The following RIMS1 variants were observed in gnomAD, a reference collection of about 807,000 sequenced individuals.
RIMS1 encodes the protein regulating synaptic membrane exocytosis 1.
In RIMS1, 83 loss-of-function variants were observed where a neutral mutation model predicts 214.1. The ratio of observed to expected loss-of-function variants is 0.39; its 90% confidence interval spans 0.32 to 0.47. RIMS1 has a LOEUF of 0.47. Among genes scored for constraint, RIMS1 ranks in the 20% least tolerant of loss-of-function variants. The probability of loss-of-function intolerance (pLI) is 0.99; values close to 1 mark genes in which losing one functional copy is unlikely to be tolerated. For synonymous variants in RIMS1, 793 were observed against 786.8 expected, an observed-to-expected ratio of 1.01 and a Z score of -0.13; for missense variants, 2,050 against 2,161.8, an observed-to-expected ratio of 0.95 and a Z score of 1.03.
At chr6:72,164,513 C>T (rs2045983806) in intron 4 of RIMS1, among the ~76,000 whole-genome samples, 1 of 152,168 alleles carries the variant, frequency 6.6e-6, no homozygotes, top group Non-Finnish European at 1.5e-5. Flanking sequence ...GGAGCTGTTC[C>T]TATTTAGCCA....
intron 28 of RIMS1, chr6:72,317,044 G>A: frequency 2.2e-6 from 1 of 458,986 alleles, no homozygotes; most frequent in South Asian, 2.0e-5. Flanking sequence ...AGGGCAGAGA[G>A]GCCACAGAGG....
chr6:72,197,949 T>A (rs2051272333), intron 6 of RIMS1, among the ~76,000 whole-genome samples: 1 of 151,994 alleles, frequency 6.6e-6, no homozygotes, highest in Non-Finnish European at 1.5e-5. Context: ...AACCAGGTCA[T>A]ATACAAAAAA....
chr6:72,019,974 A>AGAACTGATG (rs1298182501), intron 2 of RIMS1, among the ~76,000 whole-genome samples: 1 of 152,166 alleles, frequency 6.6e-6, no homozygotes, highest in Non-Finnish European at 1.5e-5. Context: ...TATAACTCTG[A>AGAACTGATG]GAACTGATGT....
chr6:72,284,642 A>G (rs1312886579), intron 24 of RIMS1, among the ~76,000 whole-genome samples: 4 of 151,746 alleles, frequency 2.6e-5, no homozygotes, highest in South Asian at 4.2e-4. Context: ...AATTTGTCCA[A>G]TTCCACAAAG....
At chr6:71,965,954 G>T (rs998843492) in intron 1 of RIMS1, among the ~76,000 whole-genome samples, 2 of 152,080 alleles carry the variant, frequency 1.3e-5, no homozygotes, top group African/African-American at 4.8e-5. Context: ...AGTATTAGGG[G>T]TTTATATTAT....
At chr6:72,177,928 C>T (rs1285572843) in intron 4 of RIMS1, among the ~76,000 whole-genome samples, 2 of 152,158 alleles carry the variant, frequency 1.3e-5, no homozygotes, top group Non-Finnish European at 2.9e-5. Flanking sequence ...AAAATATACC[C>T]TTATTTGGCT....
chr6:72,332,146 A>T (rs944907398), intron 28 of RIMS1, among the ~76,000 whole-genome samples: 12 of 151,840 alleles, frequency 7.9e-5, no homozygotes, highest in African/African-American at 2.9e-4. Context: ...TCTGACTCAC[A>T]TATTAAATGT....
intron 31 of RIMS1, 36 bp from the exon 32 acceptor site, chr6:72,398,213 G>A: frequency 7.4e-7 from 1 of 1,353,366 alleles, no homozygotes; most frequent in South Asian, 1.2e-5. Flanking sequence ...TAACTGCAAA[G>A]AAGCTGAAAC....
chr6:72,129,130 C>A (rs2040056226), intron 4 of RIMS1, among the ~76,000 whole-genome samples: 4 of 152,202 alleles, frequency 2.6e-5, no homozygotes, highest in Admixed American at 6.5e-5. Flanking sequence ...AAGCCTGTGT[C>A]TTTTTATCTG....
chr6:72,347,199 C>G (rs978457848), intron 29 of RIMS1, among the ~76,000 whole-genome samples: 6 of 151,900 alleles, frequency 3.9e-5, no homozygotes, highest in African/African-American at 1.4e-4. Flanking sequence ...AAATTGATAC[C>G]TGGCTTAGCT....
intron 2 of RIMS1, among the ~76,000 whole-genome samples, chr6:72,042,469 A>T (rs1214146641): frequency 6.6e-6 from 1 of 151,958 alleles, no homozygotes; most frequent in Admixed American, 6.6e-5. Flanking sequence ...CTTAAATTAT[A>T]TATAACATTT....
At chr6:72,005,136 C>A (rs988240117) in intron 2 of RIMS1, among the ~76,000 whole-genome samples, 7 of 152,188 alleles carry the variant, frequency 4.6e-5, no homozygotes, top group African/African-American at 1.4e-4. Flanking sequence ...GAATCCTTTC[C>A]CCATTGCTTG....
intron 26 of RIMS1, among the ~76,000 whole-genome samples, chr6:72,303,237 G>A (rs1221171322): frequency 6.6e-6 from 1 of 150,648 alleles, no homozygotes; most frequent in East Asian, 1.9e-4. Flanking sequence ...TTAAATGATG[G>A]ATTAGGGAAG....
At chr6:71,980,767 A>G (rs1798289764) in intron 2 of RIMS1, among the ~76,000 whole-genome samples, 1 of 152,034 alleles carries the variant, frequency 6.6e-6, no homozygotes, top group African/African-American at 2.4e-5. Flanking sequence ...AATGGCAATG[A>G]CTCCAGAAAA....
At chr6:72,117,928 A>AGAGC (rs2037407206) in intron 4 of RIMS1, among the ~76,000 whole-genome samples, 2 of 152,068 alleles carry the variant, frequency 1.3e-5, no homozygotes, top group African/African-American at 4.8e-5. Context: ...AACAAAGATC[A>AGAGC]GAGCAAAACT....
chr6:72,115,797 C>A (rs1343313382), intron 4 of RIMS1, among the ~76,000 whole-genome samples: 9 of 151,656 alleles, frequency 5.9e-5, no homozygotes, highest in African/African-American at 1.9e-4. Context: ...TTTTTCATAT[C>A]TTTTATTTCT....
At chr6:72,368,362 C>T (rs2807506) in intron 29 of RIMS1, among the ~76,000 whole-genome samples, 2,723 of 129,796 alleles carry the variant, frequency 0.021, 67 homozygotes, top group African/African-American at 0.074. Flanking sequence ...AGTGCAGTGG[C>T]GCAATCTCGG....
intron 1 of RIMS1, among the ~76,000 whole-genome samples, chr6:71,887,667 A>G (rs961703360): frequency 2.6e-5 from 4 of 152,116 alleles, no homozygotes; most frequent in Non-Finnish European, 5.9e-5. Context: ...GCCTATATTT[A>G]TATAATAAAA....
intron 29 of RIMS1, among the ~76,000 whole-genome samples, chr6:72,353,769 A>G (rs991373812): frequency 2.0e-5 from 3 of 152,184 alleles, no homozygotes; most frequent in African/African-American, 7.2e-5. Context: ...AGGCATGTAC[A>G]TTTATATATC....
Sources: gnomAD v4.1 joint callset for allele counts (sites outside exome capture counted in the v4.1 genomes callset) on GRCh38, gnomAD v4.1.1 for gene constraint, MANE v1.5 for transcripts, NCBI Gene and HGNC (gene_info 2026-07-23, HGNC 2026-07-21) for gene names.